KATNAL2: variants seen among roughly 807,000 people sequenced by gnomAD.
KATNAL2 encodes katanin p60 ATPase-containing subunit A-like 2.
A neutral mutation model predicts 76.3 loss-of-function variants in KATNAL2; 52 were observed. That is an observed-to-expected ratio of 0.68 (90% CI 0.55 to 0.86). KATNAL2 has a LOEUF of 0.86. KATNAL2 is among the 40% of genes least tolerant of loss of function. KATNAL2 has a pLI of 0.00. For synonymous variants in KATNAL2, 243 were observed against 244.2 expected (o/e 1.00, Z 0.05); for missense variants, 660 against 668.9 (o/e 0.99, Z 0.15).
intron 15 of KATNAL2, chr18:47,084,402 C>T (rs2062672124): frequency 1.4e-6 from 1 of 702,678 alleles, no homozygotes; most frequent in Non-Finnish European, 2.6e-6. Flanking sequence ...TTGATTGTGC[C>T]TTCACTAGAT....
At chr18:47,065,095 T>C (rs1027908071) in intron 10 of KATNAL2, among the ~76,000 whole-genome samples, 1 of 152,192 alleles carries the variant, frequency 6.6e-6, no homozygotes, top group Non-Finnish European at 1.5e-5. Context: ...TAAGGAAGAC[T>C]GAGTCCTTTC....
chr18:47,035,787 G>A (rs1204309285), intron 3 of KATNAL2, among the ~76,000 whole-genome samples: 1 of 152,216 alleles, frequency 6.6e-6, no homozygotes. Context: ...ATGTTCGCAG[G>A]TTCCACATCT....
chr18:47,059,584 G>C lies in KATNAL2; in HGVS notation c.479G>C (p.Ser160Thr). ...GTAGTTGATAACACTCGCCTGGAAA[G>C]TGCCAACTTCGGCCTACATATATCA... Reference protein sequence around the residue: ...QEVVDNTRLESANFGLHISRI... With the variant: ...QEVVDNTRLETANFGLHISRI... The change falls in exon 8 of 18, where the codon AGT (serine) becomes ACT (threonine). Residue 160 changes from serine to threonine, a missense_variant. Transcript: ENST00000683218. The C allele has an allele frequency of 6.2e-7, 1 of 1,612,438 alleles. No homozygotes were observed. Among genetic ancestry groups the C allele is most frequent in the South Asian group, 1.1e-5 (1 of 91,032 alleles).
At chr18:47,084,183 G>A (rs563099973) in intron 15 of KATNAL2, 18 of 548,600 alleles carry the variant, frequency 3.3e-5, no homozygotes, top group African/African-American at 1.3e-4. Context: ...GAAACCCGCC[G>A]GGGCAACTGC....
intron 3 of KATNAL2, chr18:47,033,583 C>T (rs1235932778): frequency 1.2e-6 from 2 of 1,614,074 alleles, no homozygotes; most frequent in Non-Finnish European, 1.7e-6. Context: ...GGGCCTCCAC[C>T]CTTCCAGAAC....
chr18:47,101,192 A>G lies in KATNAL2; in HGVS notation c.*187A>G. The G allele has an allele frequency of 4.9e-6, 3 of 616,186 alleles. No individual in the cohort carries two copies. The highest frequency in any genetic ancestry group is 4.4e-5 in the South Asian group (2 of 45,208). The allele number at this position is 616,186 out of a possible 1,614,324, so 38.2% of individuals were successfully genotyped here. A position where few individuals can be genotyped will look rare whatever the true frequency, so the allele number is the denominator to read the frequency against. Reference sequence around the variant, plus strand: ...TTATTAACTTACCATTATCGATGTCAGCAAAATATTGAGAGTTTCAGTTAC... The same window carrying G: ...TTATTAACTTACCATTATCGATGTCGGCAAAATATTGAGAGTTTCAGTTAC... On this transcript the variant is annotated 3_prime_UTR_variant, in exon 18 of 18. Transcript: ENST00000683218.
chr18:47,076,017 C>G (rs1044563582), intron 14 of KATNAL2: 1 of 152,174 alleles, frequency 6.6e-6, no homozygotes, highest in Non-Finnish European at 1.5e-5. Context: ...TTAAGATCAG[C>G]TTTCTGTCTT....
chr18:47,071,953 C>CTTTTTTTTTTTT lies in KATNAL2; in HGVS notation c.1008+2380_1008+2391dup, dbSNP rs574265545. Among the ~76,000 whole-genome samples the CTTTTTTTTTTTT allele has an allele frequency of 1.4e-4, 6 of 43,950 alleles. 2 individuals are homozygous for CTTTTTTTTTTTT. The highest frequency in any genetic ancestry group is 7.2e-4 in the African/African-American group (6 of 8,338). 28.8% of individuals were successfully genotyped at this position (43,950 alleles called of 152,430 possible). A position where few individuals can be genotyped will look rare whatever the true frequency, so the allele number is the denominator to read the frequency against. ...GAAACAATTCCTCTCCCAATTTCTT[C>CTTTTTTTTTTTT]TTTTTTTTTTTTTTTTTTTTTTTTT... On this transcript the variant is annotated intron_variant, in intron 13 of 17. Coordinates refer to ENST00000683218, the MANE Select transcript of KATNAL2 (RefSeq NM_001387690.1).
At chr18:47,053,078 G>GTC in intron 5 of KATNAL2, 32 bp downstream of exon 5, 3 of 1,508,462 alleles carry the variant, frequency 2.0e-6, no homozygotes. Flanking sequence ...ATAAGGCTTT[G>GTC]TCTCATCTGT....
At chr18:47,046,416 AT>A in intron 3 of KATNAL2, 40 bp from the exon 4 acceptor site, 8 of 1,391,774 alleles carry the variant, frequency 5.7e-6, no homozygotes, top group Non-Finnish European at 6.9e-6. Context: ...GAGCAGTGTT[AT>A]TTTTTGTTGT....
intron 3 of KATNAL2, chr18:47,034,497 G>T (rs2060659346): frequency 3.1e-6 from 5 of 1,614,186 alleles, no homozygotes; most frequent in Non-Finnish European, 4.2e-6. Flanking sequence ...CTCTTAAGCA[G>T]GCCCCGCATG....
At chr18:46,941,645 T>C (rs966537598) in intron 1 of KATNAL2, among the ~76,000 whole-genome samples, 4 of 152,136 alleles carry the variant, frequency 2.6e-5, no homozygotes, top group African/African-American at 9.7e-5. Context: ...GTTGAGTAGT[T>C]GGGACTATAG....
intron 15 of KATNAL2, among the ~76,000 whole-genome samples, chr18:47,085,486 T>C (rs1280499173): frequency 6.6e-6 from 1 of 152,192 alleles, no homozygotes; most frequent in Non-Finnish European, 1.5e-5. Flanking sequence ...AGTCGTTAAC[T>C]TCCCCAGTTA....
chr18:46,947,361 G>A lies in KATNAL2; in HGVS notation c.51+438G>A, dbSNP rs143732900. Among the ~76,000 whole-genome samples, 36 of 152,298 alleles carry A rather than the reference G, an allele frequency of 2.4e-4. No individual in the cohort carries two copies. The East Asian group carries it at 5.6e-3, about 24-fold the overall frequency. On this transcript the variant is annotated intron_variant, in intron 3 of 17. Transcript: ENST00000683218. ...CCATCACTAAGGCGAGAGATCTTAGGCATTTAATTCCCCTCTTGGGCTTCA... is the reference window on the plus strand; with the variant it reads ...CCATCACTAAGGCGAGAGATCTTAGACATTTAATTCCCCTCTTGGGCTTCA...
At chr18:47,048,543 T>A (rs190301142) in intron 4 of KATNAL2, among the ~76,000 whole-genome samples, 1 of 152,166 alleles carries the variant, frequency 6.6e-6, no homozygotes, top group Non-Finnish European at 1.5e-5. Flanking sequence ...TATCTCCACA[T>A]AGCAGTGGGG....
At chr18:47,081,700 C>T (rs894042211) in intron 15 of KATNAL2, among the ~76,000 whole-genome samples, 31 of 152,298 alleles carry the variant, frequency 2.0e-4, no homozygotes, top group African/African-American at 7.0e-4. Flanking sequence ...GGTTCTGTTT[C>T]TTAGTCTTCC....
chr18:47,031,392 C>T (rs902280181), intron 3 of KATNAL2, among the ~76,000 whole-genome samples: 3 of 151,470 alleles, frequency 2.0e-5, no homozygotes, highest in South Asian at 2.1e-4. Flanking sequence ...TTTAATTTCT[C>T]GTGTGACTTT....
chr18:46,946,802 C>T lies in KATNAL2; in HGVS notation c.-19-52C>T, dbSNP rs977086314. On this transcript the variant is annotated intron_variant, in intron 2 of 17. Coordinates refer to ENST00000683218, the MANE Select transcript of KATNAL2 (RefSeq NM_001387690.1). ...GGGCGGGCTGGTTAAGCGTCAGGTT[C>T]CTTGGATCGACCGGTCAGCCCAGTA... 2.7e-5 allele frequency: 39 copies of T among 1,459,318 alleles called. No individual in the cohort carries two copies. The African/African-American group carries it at 4.2e-4, about 16-fold the overall frequency. The allele number at this position is 1,459,318 out of a possible 1,614,324, so 90.4% of individuals were successfully genotyped here. A position where few individuals can be genotyped will look rare whatever the true frequency, so the allele number is the denominator to read the frequency against.
intron 15 of KATNAL2, among the ~76,000 whole-genome samples, chr18:47,086,497 A>G (rs1395059223): frequency 6.6e-6 from 1 of 152,120 alleles, no homozygotes; most frequent in East Asian, 1.9e-4. Flanking sequence ...TTGTATTTTT[A>G]GTAGAGGTGG....
Sources: gnomAD v4.1 joint callset for allele counts (sites outside exome capture counted in the v4.1 genomes callset) on GRCh38, gnomAD v4.1.1 for gene constraint, MANE v1.5 for transcripts, NCBI Gene and HGNC (gene_info 2026-07-23, HGNC 2026-07-21) for gene names.